Variants in FARP1 observed in about 807,000 individuals in gnomAD.
The protein encoded by FARP1 is FERM, ARH/RhoGEF and pleckstrin domain protein 1, also known as FERM, ARHGEF and pleckstrin domain-containing protein 1.
Under a neutral mutation model 128.8 loss-of-function variants are expected in FARP1, and 52 were observed. That is an observed-to-expected ratio of 0.40 (90% CI 0.32 to 0.51). The LOEUF (loss-of-function observed/expected upper bound fraction) is 0.51, where lower values mean the gene tolerates loss of function less well. FARP1 is among the 20% of genes least tolerant of loss of function. The pLI is 0.45. For synonymous variants in FARP1, 580 were observed against 551.8 expected, an observed-to-expected ratio of 1.05 and a Z score of -0.72; for missense variants, 1,333 against 1,367.9, an observed-to-expected ratio of 0.97 and a Z score of 0.40.
chr13:98,186,991 CAAAAA>C lies in FARP1; in HGVS notation c.-23-26206_-23-26202del, dbSNP rs33992037. ...TGGGAGATGGAGCGAGATTCTGTCT[CAAAAA>C]AAAAAAAAAAAAAAAAAAAAAAGCC... is the stretch of plus-strand genomic sequence containing the variant. On this transcript the variant is annotated intron_variant, in intron 1 of 26. Transcript: ENST00000319562. Among the ~76,000 whole-genome samples the C allele has an allele frequency of 7.5e-4, 36 of 47,826 alleles. No individual in the cohort carries two copies. The South Asian group carries it at 0.033, about 44-fold the overall frequency. The allele number at this position is 47,826 out of a possible 152,430, so 31.4% of individuals were successfully genotyped here.
intron 2 of FARP1, among the ~76,000 whole-genome samples, chr13:98,320,611 C>T (rs1396019771): frequency 6.6e-6 from 1 of 152,148 alleles, no homozygotes; most frequent in African/African-American, 2.4e-5. Context: ...TATCCATGGA[C>T]ACCTTAGACT....
intron 2 of FARP1, among the ~76,000 whole-genome samples, chr13:98,270,847 C>A (rs1490729677): frequency 2.6e-5 from 4 of 152,088 alleles, no homozygotes; most frequent in Admixed American, 2.6e-4. Flanking sequence ...AACATTCACG[C>A]AAGGCAGTGT....
chr13:98,158,481 G>T (rs573296087), intron 1 of FARP1, among the ~76,000 whole-genome samples: 16 of 152,276 alleles, frequency 1.1e-4, no homozygotes, highest in Non-Finnish European at 1.9e-4. Flanking sequence ...TTGGGGAGAT[G>T]GTTATTCCAA....
At chr13:98,217,599 T>C (rs1302498261) in intron 2 of FARP1, among the ~76,000 whole-genome samples, 1 of 152,232 alleles carries the variant, frequency 6.6e-6, no homozygotes, top group Non-Finnish European at 1.5e-5. Context: ...TCGGGGAGCC[T>C]GGGAGAGAGC....
At chr13:98,427,820 G>C (rs1035246620) in intron 17 of FARP1, among the ~76,000 whole-genome samples, 10 of 152,232 alleles carry the variant, frequency 6.6e-5, no homozygotes, top group Non-Finnish European at 1.3e-4. Flanking sequence ...AGCGTTTATA[G>C]CATGGAGCTC....
chr13:98,214,228 C>T (rs377719764), intron 2 of FARP1, among the ~76,000 whole-genome samples: 28 of 152,368 alleles, frequency 1.8e-4, no homozygotes, highest in African/African-American at 6.3e-4. Context: ...CCGCCTGCTT[C>T]GTGCAGCTGG....
chr13:98,174,119 C>G (rs1877833524), intron 1 of FARP1, among the ~76,000 whole-genome samples: 1 of 152,222 alleles, frequency 6.6e-6, no homozygotes, highest in Non-Finnish European at 1.5e-5. Flanking sequence ...AAAATGCTAG[C>G]AGATTTTGTT....
intron 3 of FARP1, among the ~76,000 whole-genome samples, chr13:98,349,867 G>A (rs1054190173): frequency 1.3e-5 from 2 of 152,076 alleles, no homozygotes; most frequent in African/African-American, 4.8e-5. Flanking sequence ...GGAGGTCATG[G>A]AAACTGCAGT....
intron 2 of FARP1, among the ~76,000 whole-genome samples, chr13:98,286,048 ACT>A (rs1312280629): frequency 6.6e-6 from 1 of 151,680 alleles, no homozygotes; most frequent in Non-Finnish European, 1.5e-5. Flanking sequence ...CACTGAATTG[ACT>A]CTCTCACTGC....
rs759069538 is a variant in FARP1 at position 98,395,287 on chromosome 13, T to A, written c.1225T>A (p.Cys409Ser). The A allele has an allele frequency of 6.2e-7, 1 of 1,609,276 alleles. No individual in the cohort carries two copies. The highest frequency in any genetic ancestry group is 8.5e-7 in the Non-Finnish European group (1 of 1,176,398). ...TGCCGAATCTCCAGGGGGCCAGAGC[T>A]GCCGGCGAGGAAAGGAACCGAAGGT... ...EGAESPGGQS[C>S]RRGKEPKVSA... is the part of the protein sequence containing the mutation. The change falls in exon 13 of 27, where the codon TGC becomes AGC. Residue 409 changes from cysteine to serine, a missense_variant. Cys to Ser is a moderately radical substitution (Grantham distance 112, BLOSUM62 -1). This residue lies in a region of FARP1 where 1,009 missense variants were observed against 969.8 expected (regional missense o/e 1.04). Transcript: ENST00000319562.
chr13:98,388,478 T>G lies in FARP1; in HGVS notation c.855T>G (p.Asn285Lys). 1 of 1,612,242 alleles carries G rather than the reference T, an allele frequency of 6.2e-7. No individual in the cohort carries two copies. Among genetic ancestry groups the G allele is most frequent in the Non-Finnish European group, 8.5e-7 (1 of 1,178,332 alleles). Residue 285 changes from asparagine (N) to lysine (K), a missense_variant and splice_region_variant, in exon 9 of 27, where the codon AAT becomes AAG. By Grantham distance (94) the Asn-to-Lys change is moderately conservative. This residue lies in a region of FARP1 where 324 missense variants were observed against 398.1 expected (regional missense o/e 0.81). Coordinates refer to ENST00000319562, the MANE Select transcript of FARP1 (RefSeq NM_005766.4). ...RFLIKLRPDA[N>K]SAYQDTLEFL... Reference sequence around the variant, plus strand: ...TCATCAAGCTCCGGCCAGATGCCAATGTAAGTGGTCCTGGCGGGAAAGGGG... The same window carrying G: ...TCATCAAGCTCCGGCCAGATGCCAAGGTAAGTGGTCCTGGCGGGAAAGGGG...
intron 2 of FARP1, among the ~76,000 whole-genome samples, chr13:98,320,746 T>C (rs897147582): frequency 3.3e-5 from 5 of 152,224 alleles, no homozygotes; most frequent in Admixed American, 1.3e-4. Context: ...ACCATTCTTA[T>C]CTTCTTTTCC....
intron 24 of FARP1, among the ~76,000 whole-genome samples, chr13:98,444,112 G>A (rs1416128207): frequency 6.2e-5 from 6 of 96,542 alleles, no homozygotes; most frequent in Non-Finnish European, 9.2e-5. Flanking sequence ...TCTTCTTCTC[G>A]GGGGGTCCCC....
At chr13:98,181,597 A>ATTATTTAT (rs56127904) in intron 1 of FARP1, among the ~76,000 whole-genome samples, 93 of 135,594 alleles carry the variant, frequency 6.9e-4, no homozygotes, top group South Asian at 2.8e-3. Context: ...TAGAAATAAT[A>ATTATTTAT]TTATTTATTT....
intron 2 of FARP1, among the ~76,000 whole-genome samples, chr13:98,220,358 G>GT (rs1309191103): frequency 6.6e-6 from 1 of 152,226 alleles, no homozygotes; most frequent in African/African-American, 2.4e-5. Flanking sequence ...CTGCAGGGAG[G>GT]TGTGTGTGCC....
chr13:98,420,663 A>C (rs1418427867), intron 16 of FARP1, among the ~76,000 whole-genome samples: 3 of 152,222 alleles, frequency 2.0e-5, no homozygotes, highest in Admixed American at 2.0e-4. Context: ...AATTGTCAAA[A>C]GAATTTTCAT....
intron 2 of FARP1, among the ~76,000 whole-genome samples, chr13:98,305,580 C>T (rs1886109472): frequency 1.3e-5 from 2 of 152,228 alleles, no homozygotes; most frequent in Non-Finnish European, 2.9e-5. Flanking sequence ...GTAATCCGCC[C>T]ATCTCGGCCT....
chr13:98,277,150 C>CACACACACACACACACACACACACACA (rs1566824337), intron 2 of FARP1, among the ~76,000 whole-genome samples: 16 of 11,744 alleles, frequency 1.4e-3, no homozygotes, highest in African/African-American at 2.3e-3. Flanking sequence ...ACACACACAC[C>CACACACACACACACACACACACACACA]CCATATGTAT....
intron 2 of FARP1, among the ~76,000 whole-genome samples, chr13:98,226,975 C>G (rs1881818275): frequency 6.6e-6 from 1 of 151,592 alleles, no homozygotes. Flanking sequence ...GAGTCTTGCT[C>G]TGTTGTCCAG....
Sources: allele counts gnomAD v4.1 joint callset (sites outside exome capture counted in the v4.1 genomes callset), GRCh38; gene constraint gnomAD v4.1.1; regional missense constraint gnomAD v4.1.1; transcripts MANE v1.5; gene names NCBI Gene and HGNC (gene_info 2026-07-23, HGNC 2026-07-21).